The following CCSER1 variants were observed in gnomAD, a reference collection of about 807,000 sequenced individuals.
CCSER1 encodes the protein serine-rich coiled-coil domain-containing protein 1.
CCSER1 carries 41 observed loss-of-function variants against 82.0 expected under a neutral mutation model. The ratio of observed to expected loss-of-function variants is 0.50; its 90% CI spans 0.39 to 0.65. The LOEUF (loss-of-function observed/expected upper bound fraction) is 0.65. Ranked by LOEUF, CCSER1 falls within the 30% of genes least tolerant of loss-of-function variation. The pLI is 0.00. For synonymous variants in CCSER1, 414 were observed against 383.9 expected, an observed-to-expected ratio of 1.08 and a Z score of -0.92; for missense variants, 1,119 against 1,064.2, an observed-to-expected ratio of 1.05 and a Z score of -0.72.
At chr4:91,422,678 G>A (rs778080855) in intron 10 of CCSER1, among the ~76,000 whole-genome samples, 3 of 151,804 alleles carry the variant, frequency 2.0e-5, no homozygotes, top group Non-Finnish European at 4.4e-5. Context: ...CAGATTTCTG[G>A]CCTTAATTTT....
chr4:90,765,626 C>G (rs1329828426), intron 7 of CCSER1, among the ~76,000 whole-genome samples: 9 of 151,958 alleles, frequency 5.9e-5, no homozygotes, highest in Non-Finnish European at 1.2e-4. Flanking sequence ...CTTTGTCAGT[C>G]ACTCCACTAT....
intron 6 of CCSER1, among the ~76,000 whole-genome samples, chr4:90,704,234 G>T (rs1186548616): frequency 6.6e-6 from 1 of 152,098 alleles, no homozygotes; most frequent in East Asian, 1.9e-4. Flanking sequence ...CACTTATGAA[G>T]CTTAGTTTGG....
At chr4:91,398,838 C>T (rs1467697334) in intron 10 of CCSER1, among the ~76,000 whole-genome samples, 1 of 151,520 alleles carries the variant, frequency 6.6e-6, no homozygotes, top group East Asian at 1.9e-4. Flanking sequence ...GACAGAAGAG[C>T]TTATATACAT....
At chr4:90,934,838 A>G (rs1730725119) in intron 9 of CCSER1, among the ~76,000 whole-genome samples, 1 of 151,990 alleles carries the variant, frequency 6.6e-6, no homozygotes, top group South Asian at 2.1e-4. Context: ...GACTGAGGCA[A>G]GAGAATCGCT....
chr4:90,483,813 C>T (rs1047977887), intron 5 of CCSER1, among the ~76,000 whole-genome samples: 1 of 152,086 alleles, frequency 6.6e-6, no homozygotes, highest in Non-Finnish European at 1.5e-5. Context: ...ACATTTTTTC[C>T]TTCATTTCAA....
chr4:91,140,860 G>A (rs958546718), intron 10 of CCSER1, among the ~76,000 whole-genome samples: 10 of 151,940 alleles, frequency 6.6e-5, no homozygotes, highest in African/African-American at 1.9e-4. Context: ...TTTTGATGCA[G>A]GCATATATTG....
intron 1 of CCSER1, among the ~76,000 whole-genome samples, chr4:90,188,231 A>G (rs763694243): frequency 5.3e-5 from 8 of 151,836 alleles, no homozygotes; most frequent in Admixed American, 2.0e-4. Context: ...CCTCTAGGGT[A>G]TCTTTTAATT....
At chr4:91,412,590 C>A (rs1361163319) in intron 10 of CCSER1, among the ~76,000 whole-genome samples, 3 of 152,100 alleles carry the variant, frequency 2.0e-5, no homozygotes, top group Non-Finnish European at 4.4e-5. Context: ...TCACTGGAGT[C>A]TCCAGTAACA....
chr4:90,834,511 GA>G (rs1377583316), intron 8 of CCSER1, among the ~76,000 whole-genome samples: 1 of 152,132 alleles, frequency 6.6e-6, no homozygotes, highest in African/African-American at 2.4e-5. Flanking sequence ...GAGTAGTAGT[GA>G]ACAGTTTTCA....
At chr4:91,309,206 G>C (rs1202990387) in intron 10 of CCSER1, among the ~76,000 whole-genome samples, 1 of 152,014 alleles carries the variant, frequency 6.6e-6, no homozygotes, top group East Asian at 1.9e-4. Context: ...CACCTGTCCA[G>C]ACATTGGAGC....
At chr4:90,353,830 G>GA (rs1443756436) in intron 3 of CCSER1, among the ~76,000 whole-genome samples, 1 of 152,134 alleles carries the variant, frequency 6.6e-6, no homozygotes, top group Non-Finnish European at 1.5e-5. Flanking sequence ...AACCCCACCA[G>GA]AACAAGTGGC....
At chr4:90,886,133 G>A (rs894770255) in intron 8 of CCSER1, among the ~76,000 whole-genome samples, 3 of 151,966 alleles carry the variant, frequency 2.0e-5, no homozygotes, top group Non-Finnish European at 4.4e-5. Flanking sequence ...AACAGGATTG[G>A]GATTCATATT....
chr4:91,189,206 C>T (rs1273663876), intron 10 of CCSER1, among the ~76,000 whole-genome samples: 2 of 152,034 alleles, frequency 1.3e-5, no homozygotes, highest in Admixed American at 1.3e-4. Context: ...AATATCAGGT[C>T]ATTCATTACA....
At chr4:90,865,636 C>T (rs1302016381) in intron 8 of CCSER1, among the ~76,000 whole-genome samples, 1 of 151,960 alleles carries the variant, frequency 6.6e-6, no homozygotes, top group Non-Finnish European at 1.5e-5. Context: ...GCATTATATC[C>T]TCCTATTTTT....
At chr4:91,464,470 A>G (rs112365713) in intron 10 of CCSER1, among the ~76,000 whole-genome samples, 11 of 152,208 alleles carry the variant, frequency 7.2e-5, no homozygotes, top group Non-Finnish European at 4.4e-5. Context: ...ACCAGCTAAC[A>G]TCGTAATGAC....
intron 6 of CCSER1, among the ~76,000 whole-genome samples, chr4:90,707,540 T>A (rs201833250): frequency 0.17 from 21,693 of 125,412 alleles, 1,811 homozygotes; most frequent in Middle Eastern, 0.27. Context: ...AAAAAAAAAA[T>A]ATATATATAT....
rs370790582 is a variant in CCSER1 at position 91,271,777 on chromosome 4, G to A, written c.2217+185783G>A. On this transcript the variant is annotated intron_variant, in intron 10 of 10. Transcript: ENST00000509176. Reference sequence around the variant, plus strand: ...GTTTCCTTTTGTTTGTTTTTGAGACGGAGTTTCGCTCTTGTTGCCCAGGCT... The same window carrying A: ...GTTTCCTTTTGTTTGTTTTTGAGACAGAGTTTCGCTCTTGTTGCCCAGGCT... Among the ~76,000 whole-genome samples the A allele has an allele frequency of 2.8e-4, 42 of 151,744 alleles. 2 individuals are homozygous for A. The East Asian group carries it at 4.9e-3, about 18-fold the overall frequency.
At chr4:91,265,934 G>A (rs1458828621) in intron 10 of CCSER1, among the ~76,000 whole-genome samples, 5 of 152,126 alleles carry the variant, frequency 3.3e-5, no homozygotes, top group Non-Finnish European at 7.4e-5. Flanking sequence ...TTACAATCAT[G>A]AGGGAAGGCA....
intron 4 of CCSER1, among the ~76,000 whole-genome samples, chr4:90,413,762 T>C (rs969260683): frequency 2.0e-5 from 3 of 149,536 alleles, no homozygotes; most frequent in Non-Finnish European, 4.4e-5. Context: ...AAGACCACGG[T>C]GAAACCCCGT....
Sources: allele counts gnomAD v4.1 joint callset (sites outside exome capture counted in the v4.1 genomes callset), GRCh38; gene constraint gnomAD v4.1.1; transcripts MANE v1.5; gene names NCBI Gene and HGNC (gene_info 2026-07-23, HGNC 2026-07-21).